OR9Q1: variants seen among roughly 807,000 people sequenced by gnomAD.
OR9Q1 encodes olfactory receptor family 9 subfamily Q member 1, also known as olfactory receptor 9Q1.
For missense variants in OR9Q1, 374 were observed against 378.8 expected (o/e 0.99, Z 0.11); for synonymous variants, 153 against 148.6 (o/e 1.03, Z -0.22).
At chr11:58,088,774 G>C (rs1429026103) in intron 2 of OR9Q1, among the ~76,000 whole-genome samples, 1 of 151,720 alleles carries the variant, frequency 6.6e-6, no homozygotes, top group African/African-American at 2.4e-5. Context: ...TCTGTAGGTT[G>C]CCTGTTCACT....
intron 1 of OR9Q1, among the ~76,000 whole-genome samples, chr11:58,046,558 T>G (rs1351523043): frequency 6.6e-6 from 1 of 152,160 alleles, no homozygotes; most frequent in Admixed American, 6.6e-5. Flanking sequence ...GAGATGTAAC[T>G]GCACTTAAAT....
chr11:58,155,655 C>A (rs913158388), intron 2 of OR9Q1, among the ~76,000 whole-genome samples: 2 of 152,134 alleles, frequency 1.3e-5, no homozygotes, highest in African/African-American at 4.8e-5. Flanking sequence ...GATGCTGCCT[C>A]CATTATTCCT....
chr11:58,063,863 C>G (rs892508245), intron 2 of OR9Q1, among the ~76,000 whole-genome samples: 27 of 152,118 alleles, frequency 1.8e-4, no homozygotes, highest in African/African-American at 5.8e-4. Context: ...GAAATCTAGG[C>G]AAATGTTTCA....
chr11:58,109,454 C>G (rs951092852), intron 2 of OR9Q1: 1 of 462,588 alleles, frequency 2.2e-6, no homozygotes, highest in Non-Finnish European at 4.4e-6. Flanking sequence ...CAGCAGGCAT[C>G]CAGGAAAGCA....
intron 1 of OR9Q1, among the ~76,000 whole-genome samples, chr11:58,033,176 C>T (rs1417513813): frequency 6.6e-6 from 1 of 152,122 alleles, no homozygotes; most frequent in Non-Finnish European, 1.5e-5. Flanking sequence ...ATTAGTTCAG[C>T]CACATGGAAA....
intron 2 of OR9Q1, among the ~76,000 whole-genome samples, chr11:58,065,485 C>A (rs1158115755): frequency 6.6e-6 from 1 of 152,180 alleles, no homozygotes; most frequent in African/African-American, 2.4e-5. Flanking sequence ...TCCTGGGCAT[C>A]TTTTTGGAGA....
At chr11:58,164,069 G>T (rs532204191) in intron 2 of OR9Q1, among the ~76,000 whole-genome samples, 44 of 152,104 alleles carry the variant, frequency 2.9e-4, no homozygotes, top group Non-Finnish European at 5.9e-4. Flanking sequence ...ACAGTGTTGG[G>T]GCAAAACAAA....
chr11:58,071,512 A>G (rs1456660904), intron 2 of OR9Q1, among the ~76,000 whole-genome samples: 4 of 151,654 alleles, frequency 2.6e-5, no homozygotes, highest in African/African-American at 9.8e-5. Flanking sequence ...TAAAGAAGCC[A>G]GCCAGACTTG....
intron 2 of OR9Q1, among the ~76,000 whole-genome samples, chr11:58,101,260 T>G (rs931399464): frequency 2.0e-5 from 3 of 152,174 alleles, no homozygotes; most frequent in Non-Finnish European, 4.4e-5. Context: ...ACCAGCAGTG[T>G]GTAAGCATTC....
chr11:58,175,010 G>A (rs989234154), intron 2 of OR9Q1, among the ~76,000 whole-genome samples: 2 of 146,114 alleles, frequency 1.4e-5, no homozygotes, highest in African/African-American at 2.5e-5. Flanking sequence ...GGTGGCTGAG[G>A]CATGAGAATT....
intron 2 of OR9Q1, among the ~76,000 whole-genome samples, chr11:58,136,262 G>A (rs1284375096): frequency 6.6e-6 from 1 of 152,180 alleles, no homozygotes; most frequent in Non-Finnish European, 1.5e-5. Context: ...ATAACAGATT[G>A]CTGAGAATGT....
chr11:58,122,156 C>T (rs572288596), intron 2 of OR9Q1, among the ~76,000 whole-genome samples: 1 of 152,280 alleles, frequency 6.6e-6, no homozygotes, highest in Non-Finnish European at 1.5e-5. Context: ...GAGAGACAAG[C>T]AGCACACACT....
In OR9Q1 at chr11:58,123,609, G is replaced by T. The variant is rs1854057615; in HGVS notation, c.-14-55822G>T. Among the ~76,000 whole-genome samples, 3 of 152,320 alleles carry T rather than the reference G, an allele frequency of 2.0e-5. No individual in the cohort carries two copies. In the South Asian group the frequency reaches 6.2e-4, roughly 32 times the overall value. On this transcript the variant is annotated intron_variant, in intron 2 of 2. Coordinates refer to ENST00000335397, the MANE Select transcript of OR9Q1 (RefSeq NM_001005212.4). ...CTATTTTATGGATGAACAAAGCAGA[G>T]TTCAGAGAAGTTAAGAAGGTTGTCC...
At chr11:58,133,760 G>A (rs1221705140) in intron 2 of OR9Q1, among the ~76,000 whole-genome samples, 2 of 152,326 alleles carry the variant, frequency 1.3e-5, no homozygotes, top group South Asian at 2.1e-4. Flanking sequence ...ATGCTGGCAG[G>A]TGTTGGGAAT....
At position 58,072,175 on chromosome 11, in the gene OR9Q1, C is replaced by G. The variant is rs368469740; in HGVS notation, c.-15+16228C>G. ...TATTTATTAAATGAGGTTCAAAAGA[C>G]TTATAATACATACAACAAAAACATC... On this transcript the variant is annotated intron_variant, in intron 2 of 2. Coordinates refer to ENST00000335397, the MANE Select transcript of OR9Q1 (RefSeq NM_001005212.4). Among the ~76,000 whole-genome samples, 6 of 152,220 alleles carry G rather than the reference C, an allele frequency of 3.9e-5. No homozygotes were observed. The East Asian group carries it at 9.6e-4, about 24-fold the overall frequency.
intron 2 of OR9Q1, among the ~76,000 whole-genome samples, chr11:58,156,620 A>G (rs1293948157): frequency 6.6e-6 from 1 of 152,204 alleles, no homozygotes. Context: ...TGGATTAAAC[A>G]TGTATTTTCT....
intron 1 of OR9Q1, among the ~76,000 whole-genome samples, chr11:58,024,871 G>A (rs76830872): frequency 0.014 from 2,129 of 152,278 alleles, 40 homozygotes; most frequent in Admixed American, 0.057. Flanking sequence ...GTCAGGGCAG[G>A]GAGCCAGGGT....
intron 2 of OR9Q1, among the ~76,000 whole-genome samples, chr11:58,075,902 A>T (rs1447823159): frequency 6.6e-6 from 1 of 152,178 alleles, no homozygotes; most frequent in African/African-American, 2.4e-5. Flanking sequence ...CTATGTGCCA[A>T]CCTCTGTACC....
chr11:58,146,779 A>G (rs1405376519), intron 2 of OR9Q1, among the ~76,000 whole-genome samples: 2 of 152,198 alleles, frequency 1.3e-5, no homozygotes, highest in Non-Finnish European at 2.9e-5. Context: ...TCTTCTAGAC[A>G]GAAAGAATTG....
Sources: gnomAD v4.1 joint callset for allele counts (sites outside exome capture counted in the v4.1 genomes callset) on GRCh38, gnomAD v4.1.1 for gene constraint, MANE v1.5 for transcripts, NCBI Gene and HGNC (gene_info 2026-07-23, HGNC 2026-07-21) for gene names.